NSD2: variants seen among roughly 807,000 people sequenced by gnomAD.
The protein encoded by NSD2 is histone-lysine N-methyltransferase NSD2.
A neutral mutation model predicts 139.0 loss-of-function variants in NSD2; 12 were observed. The ratio of observed to expected loss-of-function variants is 0.09; its 90% confidence interval spans 0.06 to 0.14. NSD2 has a LOEUF of 0.14. NSD2 is among the 10% of genes least tolerant of loss of function. The pLI, the probability that NSD2 is intolerant of heterozygous loss-of-function variation, is 1.00. For synonymous variants in NSD2, 669 were observed against 648.7 expected (o/e 1.03, Z -0.48); for missense variants, 1,155 against 1,745.0 (o/e 0.66, Z 6.02).
chr4:1,907,057 G>A (rs577371936), intron 3 of NSD2, among the ~76,000 whole-genome samples: 1 of 152,280 alleles, frequency 6.6e-6, no homozygotes, highest in Non-Finnish European at 1.5e-5. Flanking sequence ...CTCTGCGGTT[G>A]AGGCTGGGAC....
At chr4:1,879,928 C>T in intron 1 of NSD2, among the ~76,000 whole-genome samples, 1 of 151,928 alleles carries the variant, frequency 6.6e-6, no homozygotes, top group East Asian at 1.9e-4. Context: ...GTTGCACAGG[C>T]TCTTGCCCCA....
chr4:1,942,017 C>A lies in NSD2; in HGVS notation c.1881+2239C>A. 1 of 1,143,270 alleles carries A rather than the reference C, an allele frequency of 8.7e-7. No homozygotes were observed. The highest frequency in any genetic ancestry group is 1.1e-6 in the Non-Finnish European group (1 of 925,726). 70.8% of individuals were successfully genotyped at this position (1,143,270 alleles called of 1,614,324 possible). ...CTGACACACACCCATTGGGTCACAC[C>A]CCCTTTGCATGTTTGTATTTCCTCC... On this transcript the variant is annotated intron_variant, in intron 9 of 21. Coordinates refer to ENST00000508803, the MANE Select transcript of NSD2 (RefSeq NM_001042424.3). This position sits in a 1 kb window ranked among gnomAD's most constrained non-coding sequence, Gnocchi z 4.0.
chr4:1,953,609 G>A (rs1724508037), intron 12 of NSD2, 85 bp downstream of exon 12: 15 of 1,471,266 alleles, frequency 1.0e-5, no homozygotes, highest in African/African-American at 1.4e-5. Context: ...GTGGGCTGTT[G>A]GGATTGTCAC....
intron 1 of NSD2, among the ~76,000 whole-genome samples, chr4:1,895,819 A>C (rs1413380041): frequency 6.6e-6 from 1 of 152,120 alleles, no homozygotes; most frequent in Admixed American, 6.6e-5. Flanking sequence ...TCTTAGGCGG[A>C]GGCTTGGGGT....
intron 3 of NSD2, among the ~76,000 whole-genome samples, chr4:1,907,068 T>G (rs1299621292): frequency 6.6e-6 from 1 of 152,162 alleles, no homozygotes; most frequent in African/African-American, 2.4e-5. Flanking sequence ...AGGCTGGGAC[T>G]CAGGAATCAG....
Position 1,958,173 on chromosome 4 carries a change from C to A in NSD2, c.2985+137C>A. 1.2e-6 allele frequency: 1 copy of A among 827,608 alleles called. No homozygotes were observed. Among genetic ancestry groups the A allele is most frequent in the Admixed American group, 2.7e-5 (1 of 37,426 alleles). The allele number at this position is 827,608 out of a possible 1,614,324, so 51.3% of individuals were successfully genotyped here. ...GATCTGTGGTGCCTGGCATGGATGG[C>A]CACACAAGAGACCATGAGCAAATGG... On this transcript the variant is annotated intron_variant, in intron 16 of 21. Transcript: ENST00000508803. This position sits in a 1 kb window ranked among gnomAD's most constrained non-coding sequence, Gnocchi z 4.6.
At chr4:1,923,800 T>C (rs1398153281) in intron 5 of NSD2, among the ~76,000 whole-genome samples, 1 of 152,228 alleles carries the variant, frequency 6.6e-6, no homozygotes, top group African/African-American at 2.4e-5. Flanking sequence ...GACTATGGTA[T>C]GTTCCTACAG....
chr4:1,886,830 T>A (rs1319186460), intron 1 of NSD2, among the ~76,000 whole-genome samples: 2 of 151,916 alleles, frequency 1.3e-5, no homozygotes, highest in Non-Finnish European at 2.9e-5. Context: ...AGAGCGAGAC[T>A]CCATCTCAAA....
chr4:1,918,324 G>C lies in NSD2; in HGVS notation c.1111G>C (p.Gly371Arg). Residue 371 changes from glycine (G) to arginine (R), a missense_variant, in exon 5 of 22, where the codon GGA (glycine) becomes CGA (arginine). By Grantham distance (125) the Gly-to-Arg change is moderately radical. Transcript: ENST00000508803. ...KEAGIAAESL[G>R]EMAESSGVSE... ...GGCTGGCATTGCTGCAGAGTCTTTGGGAGAAATGGCAGAATCCTCAGGAGT... is the reference window on the plus strand; with the variant it reads ...GGCTGGCATTGCTGCAGAGTCTTTGCGAGAAATGGCAGAATCCTCAGGAGT... The C allele has an allele frequency of 1.2e-6, 2 of 1,614,066 alleles. No homozygotes were observed. The highest frequency in any genetic ancestry group is 1.7e-6 in the Non-Finnish European group (2 of 1,180,038).
intron 9 of NSD2, chr4:1,943,604 G>C (rs1723322549): frequency 9.5e-7 from 1 of 1,049,442 alleles, no homozygotes; most frequent in African/African-American, 1.7e-5. Flanking sequence ...GGGCTGGTTG[G>C]GTTCCTCTAT....
Position 1,956,771 on chromosome 4 carries a change from C to T in NSD2, c.2881+583C>T, listed in dbSNP as rs945148851. Among the ~76,000 whole-genome samples the T allele has an allele frequency of 1.3e-5, 2 of 152,184 alleles. No individual in the cohort carries two copies. Among genetic ancestry groups the T allele is most frequent in the Non-Finnish European group, 2.9e-5 (2 of 68,032 alleles). ...GAGAATGAGGCCAGTAGAGAAAACCCGAGGTGTGTGCATGTGGCTCGTTCA... is the reference window on the plus strand; with the variant it reads ...GAGAATGAGGCCAGTAGAGAAAACCTGAGGTGTGTGCATGTGGCTCGTTCA... On this transcript the variant is annotated intron_variant, in intron 15 of 21. Coordinates refer to ENST00000508803, the MANE Select transcript of NSD2 (RefSeq NM_001042424.3). The surrounding 1 kb of genome is among the most constrained non-coding windows in gnomAD (Gnocchi z 5.3).
chr4:1,946,329 A>G (rs1365133802), intron 9 of NSD2: 2 of 657,704 alleles, frequency 3.0e-6, no homozygotes, highest in Non-Finnish European at 1.9e-6. Flanking sequence ...AGTAAGTGGC[A>G]CAATCTCGGC....
chr4:1,960,091 C>T (rs1425447227), intron 17 of NSD2, among the ~76,000 whole-genome samples: 3 of 152,034 alleles, frequency 2.0e-5, no homozygotes, highest in African/African-American at 4.8e-5. Flanking sequence ...ACTCCTGGCC[C>T]CAAACCATCC....
intron 3 of NSD2, among the ~76,000 whole-genome samples, chr4:1,913,042 T>G (rs1718882327): frequency 6.6e-6 from 1 of 152,214 alleles, no homozygotes; most frequent in Admixed American, 6.5e-5. Flanking sequence ...TTATTAATCA[T>G]TAGTTTGTAG....
At chr4:1,905,825 C>T (rs1039572272) in intron 3 of NSD2, among the ~76,000 whole-genome samples, 3 of 152,160 alleles carry the variant, frequency 2.0e-5, no homozygotes, top group Non-Finnish European at 4.4e-5. Context: ...TGCCAGAATT[C>T]GGGGATTCCT....
intron 9 of NSD2, chr4:1,941,854 T>C (rs1041734640): frequency 9.5e-7 from 1 of 1,058,018 alleles, no homozygotes; most frequent in African/African-American, 1.6e-5. Flanking sequence ...CTACAGTAAA[T>C]GTTTGTGATG....
chr4:1,945,422 C>G, intron 9 of NSD2: 1 of 1,064,368 alleles, frequency 9.4e-7, no homozygotes. Context: ...GTGAGGCTGC[C>G]AGAACAAGTG....
At position 1,946,082 on chromosome 4, in the gene NSD2, T is replaced by A. The variant is rs902804081; in HGVS notation, c.1882-4990T>A. ...CATCACCTTAGTTTTTTAAAAAAAA[T>A]CTATAAATAGGGTAATTGCTGAGGT... On this transcript the variant is annotated intron_variant, in intron 9 of 21. Coordinates refer to ENST00000508803, the MANE Select transcript of NSD2 (RefSeq NM_001042424.3). 2.9e-6 allele frequency: 3 copies of A among 1,030,960 alleles called. No homozygotes were observed. The African/African-American group carries it at 5.1e-5, about 17-fold the overall frequency. 63.9% of individuals were successfully genotyped at this position (1,030,960 alleles called of 1,614,324 possible).
rs143637491 is a variant in NSD2 at position 1,892,509 on chromosome 4, G to A, written c.-29-8117G>A. 3.5e-3 allele frequency among the ~76,000 whole-genome samples: 531 copies of A among 152,212 alleles called. 3 individuals are homozygous for A. The highest frequency in any genetic ancestry group is 0.018 in the East Asian group (92 of 5,184). On this transcript the variant is annotated intron_variant, in intron 1 of 21. Transcript: ENST00000508803. The stretch of plus-strand genomic sequence containing the variant: ...TCCTAAGCACTTATTTTAAAAAACA[G>A]CAATGTGATGCTTAACTCTTCCCAC...
Sources: allele counts gnomAD v4.1 joint callset (sites outside exome capture counted in the v4.1 genomes callset), GRCh38; gene constraint gnomAD v4.1.1; non-coding constraint Gnocchi (gnomAD v3.1); transcripts MANE v1.5; gene names NCBI Gene and HGNC (gene_info 2026-07-23, HGNC 2026-07-21).